The following FMNL2 variants were observed in gnomAD, a reference collection of about 807,000 sequenced individuals.
FMNL2 encodes the protein formin like 2, also known as formin-like protein 2.
Under a neutral mutation model 130.2 loss-of-function variants are expected in FMNL2, and 51 were observed. The ratio of observed to expected loss-of-function variants is 0.39; its 90% CI spans 0.31 to 0.49. The LOEUF (loss-of-function observed/expected upper bound fraction) is 0.49, where lower values mean the gene tolerates loss of function less well. Among genes scored for constraint, FMNL2 ranks in the 20% least tolerant of loss-of-function variants. The pLI, the probability that FMNL2 is intolerant of heterozygous loss-of-function variation, is 0.85. For missense variants in FMNL2, 977 were observed against 1,316.2 expected (o/e 0.74, Z 3.99); for synonymous variants, 465 against 467.1 (o/e 1.00, Z 0.06).
chr2:152,637,558 T>G lies in FMNL2; in HGVS notation c.2845-15T>G. On this transcript the variant is annotated splice_polypyrimidine_tract_variant and intron_variant, in intron 22 of 25. Coordinates refer to ENST00000288670, the MANE Select transcript of FMNL2 (RefSeq NM_052905.4). ...CCTAACTAATGAAACTCAAGAAAAA[T>G]TTGCTTCTTCACAGGATGCCTTTGA... 1 of 1,607,402 alleles carries G rather than the reference T, an allele frequency of 6.2e-7. No homozygotes were observed. Among genetic ancestry groups the G allele is most frequent in the Non-Finnish European group, 8.5e-7 (1 of 1,177,020 alleles).
At chr2:152,358,235 G>A (rs1487494357) in intron 1 of FMNL2, among the ~76,000 whole-genome samples, 1 of 152,214 alleles carries the variant, frequency 6.6e-6, no homozygotes, top group Admixed American at 6.5e-5. Context: ...TTTGGCCACA[G>A]ACTGAGGCCT....
intron 15 of FMNL2, 106 bp downstream of exon 15, chr2:152,619,824 A>G: frequency 6.7e-7 from 1 of 1,501,206 alleles, no homozygotes; most frequent in Non-Finnish European, 8.9e-7. Context: ...AATGATGTGT[A>G]TCTCTTCCTA....
intron 1 of FMNL2, among the ~76,000 whole-genome samples, chr2:152,412,441 ATATT>A: frequency 9.9e-6 from 1 of 100,892 alleles, no homozygotes; most frequent in African/African-American, 4.5e-5. Context: ...TTTCTTCTGT[ATATT>A]TTATATATAT....
chr2:152,478,244 A>AT (rs1386372956), intron 1 of FMNL2, among the ~76,000 whole-genome samples: 112 of 38,498 alleles, frequency 2.9e-3, no homozygotes, highest in African/African-American at 5.1e-3. Flanking sequence ...ATATATATAT[A>AT]TATATATTTT....
Position 152,521,924 on chromosome 2 carries a change from C to G in FMNL2, c.118-19C>G, listed in dbSNP as rs957811063. 6 of 1,600,204 alleles carry G rather than the reference C, an allele frequency of 3.7e-6. No homozygotes were observed. The African/African-American group carries it at 8.0e-5, about 21-fold the overall frequency. Reference sequence around the variant, plus strand: ...CTGTGGAATGTGACATCTTTTCTCTCTTTATTTTTTTTAAACAGAATGCTA... The same window carrying G: ...CTGTGGAATGTGACATCTTTTCTCTGTTTATTTTTTTTAAACAGAATGCTA... On this transcript the variant is annotated intron_variant, in intron 1 of 25. Coordinates refer to ENST00000288670, the MANE Select transcript of FMNL2 (RefSeq NM_052905.4).
At chr2:152,471,288 C>T (rs554820189) in intron 1 of FMNL2, among the ~76,000 whole-genome samples, 3 of 152,280 alleles carry the variant, frequency 2.0e-5, no homozygotes, top group Admixed American at 6.5e-5. Context: ...TTTGGGACCA[C>T]GTTTTGTCTT....
In FMNL2 at chr2:152,402,222, C is replaced by T. The variant is rs139797031; in HGVS notation, c.117+66502C>T. Reference sequence around the variant, plus strand: ...CGGCCGTGTTTGATCTTTTAAAAGCCCATAAATGCTAAGCGTTGTTCTCAT... The same window carrying T: ...CGGCCGTGTTTGATCTTTTAAAAGCTCATAAATGCTAAGCGTTGTTCTCAT... On this transcript the variant is annotated intron_variant, in intron 1 of 25. Transcript: ENST00000288670. 7.7e-3 allele frequency among the ~76,000 whole-genome samples: 1,172 copies of T among 152,138 alleles called. 11 individuals are homozygous for T. The highest frequency in any genetic ancestry group is 0.027 in the Middle Eastern group (8 of 294).
intron 25 of FMNL2, among the ~76,000 whole-genome samples, chr2:152,642,303 C>T (rs1683162922): frequency 6.6e-6 from 1 of 152,170 alleles, no homozygotes; most frequent in African/African-American, 2.4e-5. Context: ...GTCAAAACCA[C>T]AAATTTTTTT....
At chr2:152,553,709 A>T (rs906686354) in intron 4 of FMNL2, among the ~76,000 whole-genome samples, 2 of 151,554 alleles carry the variant, frequency 1.3e-5, no homozygotes, top group African/African-American at 4.8e-5. Flanking sequence ...ATAACATTTA[A>T]TTTAAATACA....
intron 1 of FMNL2, among the ~76,000 whole-genome samples, chr2:152,392,269 T>C (rs1285492482): frequency 6.6e-6 from 1 of 152,122 alleles, no homozygotes; most frequent in African/African-American, 2.4e-5. Context: ...CCTGATTTAG[T>C]GGATGATTTC....
At chr2:152,435,773 T>C (rs771680147) in intron 1 of FMNL2, among the ~76,000 whole-genome samples, 1 of 152,200 alleles carries the variant, frequency 6.6e-6, no homozygotes, top group Non-Finnish European at 1.5e-5. Flanking sequence ...CAAACCAAAT[T>C]GCTAATTATG....
At chr2:152,349,616 T>G (rs779811439) in intron 1 of FMNL2, among the ~76,000 whole-genome samples, 2 of 152,202 alleles carry the variant, frequency 1.3e-5, no homozygotes, top group African/African-American at 2.4e-5. Flanking sequence ...TGTTATATGC[T>G]GCAAAATCTG....
intron 1 of FMNL2, among the ~76,000 whole-genome samples, chr2:152,399,350 G>A (rs1349614230): frequency 6.6e-6 from 1 of 152,212 alleles, no homozygotes; most frequent in Non-Finnish European, 1.5e-5. Flanking sequence ...AAAGGGGGAA[G>A]CCTAGAGAAG....
At chr2:152,585,225 C>A (rs891381255) in intron 9 of FMNL2, among the ~76,000 whole-genome samples, 1 of 151,854 alleles carries the variant, frequency 6.6e-6, no homozygotes. Flanking sequence ...TATCTCTTAA[C>A]GAAAATTTAT....
chr2:152,619,083 A>G lies in FMNL2; in HGVS notation c.1552A>G (p.Met518Val), dbSNP rs1417104835. ...AGCAGGTAACTCTGTGGGACCCACA[A>G]TGGGGGCCGCTTCCTCAGGACCCTT... ...VVAGNSVGPT[M>V]GAASSGPLPP... Residue 518 changes from methionine (M) to valine (V), a missense_variant, in exon 14 of 26, where the codon ATG (methionine) becomes GTG (valine). Transcript: ENST00000288670. 3 of 1,612,816 alleles carry G rather than the reference A, an allele frequency of 1.9e-6. No homozygotes were observed. Among genetic ancestry groups the G allele is most frequent in the Non-Finnish European group, 2.5e-6 (3 of 1,179,084 alleles).
At chr2:152,343,346 C>T (rs1250242270) in intron 1 of FMNL2, among the ~76,000 whole-genome samples, 4 of 152,146 alleles carry the variant, frequency 2.6e-5, no homozygotes, top group Admixed American at 6.6e-5. Context: ...TCTGGGCTGG[C>T]GTACAGTGGC....
chr2:152,643,118 T>C (rs937229078), intron 25 of FMNL2, among the ~76,000 whole-genome samples: 4 of 152,218 alleles, frequency 2.6e-5, no homozygotes, highest in African/African-American at 9.6e-5. Flanking sequence ...ATGTACATTT[T>C]CTATTTGCTT....
At chr2:152,364,289 T>TACCAGATCC (rs1683381340) in intron 1 of FMNL2, among the ~76,000 whole-genome samples, 1 of 140,720 alleles carries the variant, frequency 7.1e-6, no homozygotes, top group African/African-American at 2.6e-5. Context: ...TTTTTTTTTT[T>TACCAGATCC]TTTACCAGAT....
At chr2:152,438,303 G>A (rs2106119191) in intron 1 of FMNL2, among the ~76,000 whole-genome samples, 1 of 152,250 alleles carries the variant, frequency 6.6e-6, no homozygotes, top group East Asian at 1.9e-4. Flanking sequence ...AAATCAATTG[G>A]TCAGCTTCAC....
Sources: gnomAD v4.1 joint callset for allele counts (sites outside exome capture counted in the v4.1 genomes callset) on GRCh38, gnomAD v4.1.1 for gene constraint, MANE v1.5 for transcripts, NCBI Gene and HGNC (gene_info 2026-07-23, HGNC 2026-07-21) for gene names.